The following ZNF407 variants were observed in gnomAD, a reference collection of about 807,000 sequenced individuals.
ZNF407 encodes the protein zinc finger protein 407.
ZNF407 carries 17 observed loss-of-function variants against 131.2 expected under a neutral mutation model. That is an observed-to-expected ratio of 0.13 (90% CI 0.09 to 0.19). The LOEUF (loss-of-function observed/expected upper bound fraction) is 0.19, where lower values mean the gene tolerates loss of function less well. ZNF407 is among the 10% of genes least tolerant of loss of function. The pLI is 1.00. For synonymous variants in ZNF407, 1,156 were observed against 1,062.0 expected, an observed-to-expected ratio of 1.09 and a Z score of -1.72; for missense variants, 2,681 against 2,830.6, an observed-to-expected ratio of 0.95 and a Z score of 1.20.
In ZNF407 at chr18:74,839,826, G is replaced by A. The variant is rs566456220; in HGVS notation, c.4878-37371G>A. Among the ~76,000 whole-genome samples the A allele has an allele frequency of 5.3e-5, 8 of 152,270 alleles. 1 individual carries two copies. The highest frequency in any genetic ancestry group is 1.9e-4 in the African/African-American group (8 of 41,562). ...TGGGAATTAGTAATAAGGAATAGAAGAGGGAATAGGGAATGACATCAGTCA... is the reference window on the plus strand; with the variant it reads ...TGGGAATTAGTAATAAGGAATAGAAAAGGGAATAGGGAATGACATCAGTCA... On this transcript the variant is annotated intron_variant, in intron 4 of 8. Transcript: ENST00000299687.
At chr18:74,641,494 C>T (rs145415395) in intron 3 of ZNF407, among the ~76,000 whole-genome samples, 3 of 151,928 alleles carry the variant, frequency 2.0e-5, no homozygotes, top group Non-Finnish European at 4.4e-5. Context: ...TGTACTGCTT[C>T]AATTTTTATC....
At chr18:74,822,724 C>T (rs1970357893) in intron 4 of ZNF407, among the ~76,000 whole-genome samples, 1 of 152,062 alleles carries the variant, frequency 6.6e-6, no homozygotes, top group African/African-American at 2.4e-5. Flanking sequence ...GTTATTTTTG[C>T]TTAGGATTGT....
intron 8 of ZNF407, among the ~76,000 whole-genome samples, chr18:75,043,104 A>G (rs1261899390): frequency 6.6e-6 from 1 of 152,170 alleles, no homozygotes; most frequent in African/African-American, 2.4e-5. Flanking sequence ...GTTTTCCACC[A>G]TGGCTGTGCC....
At chr18:74,728,393 C>T (rs1038779421) in intron 3 of ZNF407, among the ~76,000 whole-genome samples, 7 of 152,138 alleles carry the variant, frequency 4.6e-5, no homozygotes, top group East Asian at 1.9e-4. Flanking sequence ...GACCATAGCC[C>T]AGATAGCCCA....
intron 8 of ZNF407, among the ~76,000 whole-genome samples, chr18:75,051,303 T>G (rs746591550): frequency 2.0e-5 from 3 of 152,210 alleles, no homozygotes; most frequent in Non-Finnish European, 4.4e-5. Context: ...CAGAAACTCT[T>G]TAATAGATGG....
chr18:75,013,505 G>A (rs1215262007), intron 8 of ZNF407, among the ~76,000 whole-genome samples: 3 of 152,064 alleles, frequency 2.0e-5, no homozygotes, highest in Admixed American at 1.3e-4. Context: ...AAAACATGTG[G>A]CTTGGTTACC....
rs569389025 is a variant in ZNF407 at position 74,867,179 on chromosome 18, C to T, written c.4878-10018C>T. Among the ~76,000 whole-genome samples, 116 of 152,134 alleles carry T rather than the reference C, an allele frequency of 7.6e-4. 1 individual carries two copies. Among genetic ancestry groups the T allele is most frequent in the African/African-American group, 2.4e-3 (100 of 41,522 alleles). On this transcript the variant is annotated intron_variant, in intron 4 of 8. Transcript: ENST00000299687. ...GATTCTAGTGTTAATAAATTTAAAT[C>T]CCATGTGTTTTGTGTCTAATGCAGA...
chr18:74,753,725 C>A (rs1314254424), intron 3 of ZNF407, among the ~76,000 whole-genome samples: 1 of 152,136 alleles, frequency 6.6e-6, no homozygotes, highest in Non-Finnish European at 1.5e-5. Flanking sequence ...TGGTGGATAG[C>A]TTTTTGATAT....
At chr18:74,927,890 A>C (rs1971934779) in intron 8 of ZNF407, among the ~76,000 whole-genome samples, 2 of 152,230 alleles carry the variant, frequency 1.3e-5, no homozygotes, top group African/African-American at 4.8e-5. Context: ...TACTAAAATT[A>C]GGGCTACAGA....
chr18:74,988,316 G>A (rs898460713), intron 8 of ZNF407, among the ~76,000 whole-genome samples: 2 of 152,014 alleles, frequency 1.3e-5, no homozygotes, highest in African/African-American at 4.8e-5. Context: ...ACAAAACATA[G>A]GAGAAAATTT....
chr18:74,627,234 T>C (rs1007771773), intron 1 of ZNF407, among the ~76,000 whole-genome samples: 4 of 152,216 alleles, frequency 2.6e-5, no homozygotes. Context: ...GGTTGGACAA[T>C]GTATCTGTTT....
chr18:74,794,071 AG>A (rs1969874617), intron 4 of ZNF407, among the ~76,000 whole-genome samples: 1 of 152,348 alleles, frequency 6.6e-6, no homozygotes, highest in South Asian at 2.1e-4. Context: ...TTGAGTCGAG[AG>A]AACTTTCTCT....
intron 3 of ZNF407, among the ~76,000 whole-genome samples, chr18:74,676,475 C>T (rs556253565): frequency 2.5e-4 from 36 of 145,678 alleles, no homozygotes; most frequent in East Asian, 1.0e-3. Context: ...CTCGCTCTGT[C>T]ACCCAGGCTG....
chr18:74,963,713 A>G (rs1972376212), intron 8 of ZNF407, among the ~76,000 whole-genome samples: 1 of 152,246 alleles, frequency 6.6e-6, no homozygotes, highest in South Asian at 2.1e-4. Context: ...CTATTATAAA[A>G]CAATATCTAT....
intron 1 of ZNF407, among the ~76,000 whole-genome samples, chr18:74,619,817 T>C (rs895328880): frequency 6.6e-6 from 1 of 152,216 alleles, no homozygotes; most frequent in Non-Finnish European, 1.5e-5. Context: ...TCTGTAGCTG[T>C]AAAGAAAATT....
intron 3 of ZNF407, among the ~76,000 whole-genome samples, chr18:74,644,147 C>T (rs1256176721): frequency 6.8e-6 from 1 of 147,692 alleles, no homozygotes; most frequent in Non-Finnish European, 1.5e-5. Flanking sequence ...GGTTAAGAGC[C>T]ATTTATTTTA....
At chr18:74,618,814 T>TA (rs1983413911) in intron 1 of ZNF407, among the ~76,000 whole-genome samples, 1 of 152,194 alleles carries the variant, frequency 6.6e-6, no homozygotes, top group South Asian at 2.1e-4. Flanking sequence ...CTATATCCAT[T>TA]AAAAAATGTA....
At chr18:74,935,055 C>T (rs139099615) in intron 8 of ZNF407, among the ~76,000 whole-genome samples, 126 of 152,256 alleles carry the variant, frequency 8.3e-4, no homozygotes, top group African/African-American at 2.9e-3. Flanking sequence ...GACCTCGATT[C>T]TTGGCACAAC....
chr18:74,787,743 C>T (rs1289695431), intron 4 of ZNF407, among the ~76,000 whole-genome samples: 1 of 152,156 alleles, frequency 6.6e-6, no homozygotes, highest in Admixed American at 6.5e-5. Flanking sequence ...ATTTCCATTG[C>T]TAGAGAACTG....
Sources: gnomAD v4.1 joint callset for allele counts (sites outside exome capture counted in the v4.1 genomes callset) on GRCh38, gnomAD v4.1.1 for gene constraint, MANE v1.5 for transcripts, NCBI Gene and HGNC (gene_info 2026-07-23, HGNC 2026-07-21) for gene names.